The following ARL8A variants were observed in gnomAD, a reference collection of about 807,000 sequenced individuals.
ARL8A encodes the protein ARF like GTPase 8A, also known as ADP-ribosylation factor-like protein 8A.
ARL8A carries 10 observed loss-of-function variants against 31.2 expected under a neutral mutation model. The ratio of observed to expected loss-of-function variants is 0.32; its 90% CI spans 0.20 to 0.54. The LOEUF (loss-of-function observed/expected upper bound fraction) is 0.54, where lower values mean the gene tolerates loss of function less well. Ranked by LOEUF, ARL8A falls within the 20% of genes least tolerant of loss-of-function variation. ARL8A has a pLI of 0.93. For synonymous variants in ARL8A, 70 were observed against 86.9 expected, an observed-to-expected ratio of 0.81 and a Z score of 1.08; for missense variants, 129 against 242.8, an observed-to-expected ratio of 0.53 and a Z score of 3.12.
Position 202,134,578 on chromosome 1 carries a change from G to C in ARL8A, c.512-62C>G. The stretch of plus-strand genomic sequence containing the variant: ...AAGTACTGGCCGTGCTGGGGCAGCA[G>C]AGAGGCCCAAGAAACCAAACCTAAG... On this transcript the variant is annotated intron_variant, in intron 6 of 6. Coordinates refer to ENST00000272217, the MANE Select transcript of ARL8A (RefSeq NM_138795.4). The surrounding 1 kb of genome is among the most constrained non-coding windows in gnomAD (Gnocchi z 4.2). The C allele has an allele frequency of 6.6e-7, 1 of 1,510,496 alleles. No homozygotes were observed. The highest frequency in any genetic ancestry group is 2.3e-5 in the East Asian group (1 of 44,360). 93.6% of individuals were successfully genotyped at this position (1,510,496 alleles called of 1,614,324 possible).
chr1:202,136,739 T>C (rs1297961624), intron 3 of ARL8A, among the ~76,000 whole-genome samples: 1 of 152,118 alleles, frequency 6.6e-6, no homozygotes, highest in African/African-American at 2.4e-5. Context: ...TCAGCTAATT[T>C]TTGTACTTTT....
chr1:202,139,459 G>A (rs969895292), intron 1 of ARL8A, among the ~76,000 whole-genome samples: 1 of 151,628 alleles, frequency 6.6e-6, no homozygotes, highest in African/African-American at 2.4e-5. Context: ...TGTAATCCCA[G>A]CTACTTGGGA....
intron 3 of ARL8A, among the ~76,000 whole-genome samples, chr1:202,136,776 C>T (rs1220451774): frequency 2.0e-5 from 3 of 152,118 alleles, no homozygotes; most frequent in Non-Finnish European, 2.9e-5. Context: ...ACCATGTTAC[C>T]CAGGTTGGTT....
At position 202,144,647 on chromosome 1, in the gene ARL8A, GCC is replaced by G. The variant is rs1467165906; in HGVS notation, c.-77_-76del. The G allele has an allele frequency of 8.4e-7, 1 of 1,189,204 alleles. No homozygotes were observed. Among genetic ancestry groups the G allele is most frequent in the East Asian group, 6.0e-5 (1 of 16,800 alleles). The allele number at this position is 1,189,204 out of a possible 1,614,324, so 73.7% of individuals were successfully genotyped here. A position where few individuals can be genotyped will look rare whatever the true frequency, so the allele number is the denominator to read the frequency against. ...TGCCCTCGCGCTGCGGCCCGGAGCGGCCCCTCCCCGGTACGGCCCGGGTCCCG... is the reference window on the plus strand; with the variant it reads ...TGCCCTCGCGCTGCGGCCCGGAGCGGCCTCCCCGGTACGGCCCGGGTCCCG... On this transcript the variant is annotated 5_prime_UTR_variant, in exon 1 of 7. Transcript: ENST00000272217. The surrounding 1 kb of genome is among the most constrained non-coding windows in gnomAD (Gnocchi z 5.2).
rs184331864 is a variant in ARL8A, at chr1:202,135,371, A to G, written c.440+88T>C. 1.3e-6 allele frequency: 2 copies of G among 1,532,916 alleles called. No homozygotes were observed. Among genetic ancestry groups the G allele is most frequent in the South Asian group, 1.1e-5 (1 of 89,188 alleles). 95.0% of individuals were successfully genotyped at this position (1,532,916 alleles called of 1,614,324 possible). ...CGGCTCTGCTGCCACCGTGTGGCTA[A>G]TACTAAGAACAGCAGCAAGCCTAGG... On this transcript the variant is annotated intron_variant, in intron 5 of 6. Transcript: ENST00000272217. The surrounding 1 kb of genome is among the most constrained non-coding windows in gnomAD (Gnocchi z 5.3).
chr1:202,134,015 G>C lies in ARL8A; in HGVS notation c.*452C>G, dbSNP rs1654934602. ...GCGTCTCCCTCCTTCTCTCCAGACT[G>C]CCCCCTCCCAGATCCTGAAAGGCCC... On this transcript the variant is annotated 3_prime_UTR_variant, in exon 7 of 7. Transcript: ENST00000272217. The surrounding 1 kb of genome is among the most constrained non-coding windows in gnomAD (Gnocchi z 4.2). 1 of 152,388 alleles carries C rather than the reference G, an allele frequency of 6.6e-6. No homozygotes were observed. Among genetic ancestry groups the C allele is most frequent in the Non-Finnish European group, 1.5e-5 (1 of 68,250 alleles). The allele number at this position is 152,388 out of a possible 1,614,324, so 9.4% of individuals were successfully genotyped here.
intron 1 of ARL8A, among the ~76,000 whole-genome samples, chr1:202,142,476 C>G (rs985393195): frequency 1.3e-5 from 2 of 152,230 alleles, no homozygotes; most frequent in African/African-American, 2.4e-5. Context: ...CCCAGAGGAT[C>G]TGAAAACACT....
At position 202,140,430 on chromosome 1, in the gene ARL8A, C is replaced by G. The variant is rs187662811; in HGVS notation, c.124-1982G>C. ...TGCTGGGATTACAGGCGTGAGCCAC[C>G]GCGCCCAGCCCAATTCCCTTTTATC... is the stretch of plus-strand genomic sequence containing the variant. On this transcript the variant is annotated intron_variant, in intron 1 of 6. Transcript: ENST00000272217. Among the ~76,000 whole-genome samples, 3 of 152,166 alleles carry G rather than the reference C, an allele frequency of 2.0e-5. No homozygotes were observed. The East Asian group carries it at 5.8e-4, about 29-fold the overall frequency.
rs1004156735 is a variant in ARL8A, at chr1:202,138,336, C to T, written c.204+32G>A. The T allele has an allele frequency of 3.6e-5, 57 of 1,590,332 alleles. No homozygotes were observed. Among genetic ancestry groups the T allele is most frequent in the Non-Finnish European group, 4.8e-5 (56 of 1,159,608 alleles). On this transcript the variant is annotated intron_variant, in intron 2 of 6. Coordinates refer to ENST00000272217, the MANE Select transcript of ARL8A (RefSeq NM_138795.4). This position sits in a 1 kb window ranked among gnomAD's most constrained non-coding sequence, Gnocchi z 4.4. ...ACACACACACACACACAAAAACAGT[C>T]CTCTGCACCCCCCAAGCTTCTGGGC...
rs1459901574 is a variant in ARL8A, at chr1:202,138,709, C to A, written c.124-261G>T. 6.6e-6 allele frequency among the ~76,000 whole-genome samples: 1 copy of A among 152,178 alleles called. No individual in the cohort carries two copies. Among genetic ancestry groups the A allele is most frequent in the African/African-American group, 2.4e-5 (1 of 41,438 alleles). On this transcript the variant is annotated intron_variant, in intron 1 of 6. Transcript: ENST00000272217. This position sits in a 1 kb window ranked among gnomAD's most constrained non-coding sequence, Gnocchi z 4.4. ...TCTTTGCCTAGACTAGGGGAAAATT[C>A]TTCCTCAAGTCTAACCTACATCTCT... is the stretch of plus-strand genomic sequence containing the variant.
intron 3 of ARL8A, among the ~76,000 whole-genome samples, chr1:202,136,873 G>T (rs1412293045): frequency 1.4e-5 from 2 of 147,986 alleles, no homozygotes; most frequent in Non-Finnish European, 3.0e-5. Context: ...CCTTTTTTTT[G>T]AGACAGAGTC....
rs763413795 is a variant in ARL8A at position 202,144,429 on chromosome 1, C to A, written c.123+21G>T. The A allele has an allele frequency of 7.2e-7, 1 of 1,380,896 alleles. No homozygotes were observed. Among genetic ancestry groups the A allele is most frequent in the Non-Finnish European group, 9.6e-7 (1 of 1,039,660 alleles). 85.5% of individuals were successfully genotyped at this position (1,380,896 alleles called of 1,614,324 possible). On this transcript the variant is annotated intron_variant, in intron 1 of 6. Coordinates refer to ENST00000272217, the MANE Select transcript of ARL8A (RefSeq NM_138795.4). This position sits in a 1 kb window ranked among gnomAD's most constrained non-coding sequence, Gnocchi z 5.2. ...GACCCGCGGCCCGCGCCCGGGGACC[C>A]CGCGCCCGACGCCCTCGTACCGCGA...
intron 3 of ARL8A, among the ~76,000 whole-genome samples, chr1:202,136,504 C>T (rs1359871950): frequency 6.6e-6 from 1 of 152,144 alleles, no homozygotes; most frequent in African/African-American, 2.4e-5. Context: ...TGGGCTCAAT[C>T]TCCTGACCTT....
At position 202,134,240 on chromosome 1, in the gene ARL8A, G is replaced by C. The variant is rs1654942226; in HGVS notation, c.*227C>G. The C allele has an allele frequency of 1.8e-6, 1 of 552,396 alleles. No homozygotes were observed. The highest frequency in any genetic ancestry group is 3.3e-6 in the Non-Finnish European group (1 of 306,520). 34.2% of individuals were successfully genotyped at this position (552,396 alleles called of 1,614,324 possible). A position where few individuals can be genotyped will look rare whatever the true frequency, so the allele number is the denominator to read the frequency against. ...GGCAGGGCTGGGTGATGGGACAAAG[G>C]CAGCGGGGAAGGGTGAGAAGTTAGG... On this transcript the variant is annotated 3_prime_UTR_variant, in exon 7 of 7. Coordinates refer to ENST00000272217, the MANE Select transcript of ARL8A (RefSeq NM_138795.4). This position sits in a 1 kb window ranked among gnomAD's most constrained non-coding sequence, Gnocchi z 4.2.
intron 3 of ARL8A, 97 bp downstream of exon 3, chr1:202,137,868 T>C (rs17435204): frequency 0.018 from 23,876 of 1,307,612 alleles, 262 homozygotes; most frequent in Non-Finnish European, 0.022. Flanking sequence ...CCAAGGATTA[T>C]GTCTAATAAA....
chr1:202,142,059 G>T (rs937611199), intron 1 of ARL8A, among the ~76,000 whole-genome samples: 1 of 152,036 alleles, frequency 6.6e-6, no homozygotes, highest in African/African-American at 2.4e-5. Flanking sequence ...GTAGAGATGG[G>T]GTTTCACCAT....
At position 202,135,907 on chromosome 1, in the gene ARL8A, T is replaced by C; in HGVS notation, c.279-107A>G. ...GGAGGTGAAAGCATCTGTTGCAGCT[T>C]GGTCACCTCGGGATCCATGGGCTAC... On this transcript the variant is annotated intron_variant, in intron 3 of 6. Coordinates refer to ENST00000272217, the MANE Select transcript of ARL8A (RefSeq NM_138795.4). The surrounding 1 kb of genome is among the most constrained non-coding windows in gnomAD (Gnocchi z 5.3). 9.3e-7 allele frequency: 1 copy of C among 1,080,748 alleles called. No individual in the cohort carries two copies. Among genetic ancestry groups the C allele is most frequent in the Non-Finnish European group, 1.4e-6 (1 of 715,534 alleles). 66.9% of individuals were successfully genotyped at this position (1,080,748 alleles called of 1,614,324 possible). A position where few individuals can be genotyped will look rare whatever the true frequency, so the allele number is the denominator to read the frequency against.
chr1:202,140,792 T>C (rs1655146463), intron 1 of ARL8A, among the ~76,000 whole-genome samples: 2 of 152,302 alleles, frequency 1.3e-5, no homozygotes, highest in African/African-American at 2.4e-5. Flanking sequence ...CCCGGCAGCC[T>C]GCTGCAGTCT....
intron 3 of ARL8A, among the ~76,000 whole-genome samples, chr1:202,136,473 G>T (rs1655009235): frequency 6.6e-6 from 1 of 152,076 alleles, no homozygotes; most frequent in African/African-American, 2.4e-5. Flanking sequence ...CAGAGATGGG[G>T]TTTCACCATG....
Sources: gnomAD v4.1 joint callset for allele counts (sites outside exome capture counted in the v4.1 genomes callset) on GRCh38, gnomAD v4.1.1 for gene constraint, Gnocchi (gnomAD v3.1) non-coding constraint, MANE v1.5 for transcripts, NCBI Gene and HGNC (gene_info 2026-07-23, HGNC 2026-07-21) for gene names.